Variants in RBPMS observed in about 807,000 individuals in gnomAD.
RBPMS encodes the protein RNA binding protein, mRNA processing factor, also known as RNA-binding protein with multiple splicing.
A neutral mutation model predicts 26.8 loss-of-function variants in RBPMS; 7 were observed. That is an observed-to-expected ratio of 0.26 (90% CI 0.15 to 0.49). RBPMS has a LOEUF of 0.49. Among genes scored for constraint, RBPMS ranks in the 20% least tolerant of loss-of-function variants. RBPMS has a pLI of 0.98. For missense variants in RBPMS, 186 were observed against 250.0 expected (o/e 0.74, Z 1.73); for synonymous variants, 96 against 93.3 (o/e 1.03, Z -0.17).
chr8:30,518,628 A>G (rs957232107), intron 5 of RBPMS, among the ~76,000 whole-genome samples: 4 of 133,132 alleles, frequency 3.0e-5, no homozygotes, highest in African/African-American at 8.5e-5. Flanking sequence ...GGGTTTCACC[A>G]TGTTGGCCAG....
In RBPMS at chr8:30,532,201, A is replaced by G. The variant is rs144916972; in HGVS notation, c.398-12293A>G. Among the ~76,000 whole-genome samples, 540 of 152,312 alleles carry G rather than the reference A, an allele frequency of 3.5e-3. 4 individuals are homozygous for G. Among genetic ancestry groups the G allele is most frequent in the African/African-American group, 0.012 (502 of 41,574 alleles). ...ATGTCTGAGGCACGAAGAATGAGGA[A>G]GAAACAGTTAAACATGAGAAGTGGC... On this transcript the variant is annotated intron_variant, in intron 5 of 8. Transcript: ENST00000397323.
intron 8 of RBPMS, among the ~76,000 whole-genome samples, chr8:30,570,205 T>TATC (rs1443027581): frequency 2.0e-5 from 3 of 152,220 alleles, no homozygotes; most frequent in Non-Finnish European, 4.4e-5. Flanking sequence ...TTAAATAGGT[T>TATC]ATCAATAATT....
intron 7 of RBPMS, chr8:30,562,212 T>G (rs1438009247): frequency 5.3e-6 from 1 of 188,334 alleles, no homozygotes; most frequent in Non-Finnish European, 9.7e-6. Flanking sequence ...GCGCCTGTAA[T>G]CCCAGCTACT....
chr8:30,434,464 G>A (rs1343867901), intron 1 of RBPMS, among the ~76,000 whole-genome samples: 1 of 152,082 alleles, frequency 6.6e-6, no homozygotes, highest in African/African-American at 2.4e-5. Context: ...AGCACTTTGG[G>A]AGGCTGAGGC....
chr8:30,530,587 C>G (rs1022858599), intron 5 of RBPMS, among the ~76,000 whole-genome samples: 2 of 152,100 alleles, frequency 1.3e-5, no homozygotes, highest in Admixed American at 6.5e-5. Context: ...CTCAGCCTCT[C>G]GAGTAGCTGG....
chr8:30,545,061 G>C, intron 6 of RBPMS: 2 of 1,388,736 alleles, frequency 1.4e-6, no homozygotes, highest in Non-Finnish European at 1.9e-6. Context: ...CTCGTGTACG[G>C]TGAGAAGAAT....
At chr8:30,543,485 C>T (rs1048913062) in intron 5 of RBPMS, among the ~76,000 whole-genome samples, 1 of 152,178 alleles carries the variant, frequency 6.6e-6, no homozygotes, top group African/African-American at 2.4e-5. Context: ...CTAATGACTT[C>T]TATCAAATCA....
At chr8:30,444,127 C>T (rs1453546046) in intron 1 of RBPMS, among the ~76,000 whole-genome samples, 1 of 149,650 alleles carries the variant, frequency 6.7e-6, no homozygotes, top group Non-Finnish European at 1.5e-5. Context: ...AACTCCTGGC[C>T]TCAAGTGATC....
chr8:30,456,843 C>T (rs1353367349), intron 1 of RBPMS, among the ~76,000 whole-genome samples: 2 of 152,228 alleles, frequency 1.3e-5, no homozygotes, highest in African/African-American at 4.8e-5. Flanking sequence ...TTGCTTGAAA[C>T]CCCGGAGGTG....
At chr8:30,536,370 G>C (rs529915173) in intron 5 of RBPMS, among the ~76,000 whole-genome samples, 2 of 152,004 alleles carry the variant, frequency 1.3e-5, no homozygotes, top group Non-Finnish European at 2.9e-5. Context: ...CAGGTGATCC[G>C]CCCGCCTCGG....
At chr8:30,501,965 C>T (rs539223860) in intron 4 of RBPMS, among the ~76,000 whole-genome samples, 1 of 152,126 alleles carries the variant, frequency 6.6e-6, no homozygotes, top group East Asian at 1.9e-4. Context: ...CATCCCTTAA[C>T]ATTTAAAATG....
intron 5 of RBPMS, among the ~76,000 whole-genome samples, chr8:30,521,396 C>G (rs564533923): frequency 6.6e-6 from 1 of 152,222 alleles, no homozygotes; most frequent in South Asian, 2.1e-4. Context: ...GACGTTTTCC[C>G]CAAAAGGACG....
intron 4 of RBPMS, among the ~76,000 whole-genome samples, chr8:30,488,165 T>C (rs914312559): frequency 1.3e-5 from 2 of 152,146 alleles, no homozygotes; most frequent in Non-Finnish European, 2.9e-5. Flanking sequence ...AATGAATAAA[T>C]ACACAGAGTA....
intron 1 of RBPMS, among the ~76,000 whole-genome samples, chr8:30,437,790 C>CAA (rs11290191): frequency 5.4e-4 from 57 of 106,214 alleles, no homozygotes; most frequent in African/African-American, 2.0e-3. Context: ...GACTCCATCT[C>CAA]AAAAAAAAAA....
intron 1 of RBPMS, among the ~76,000 whole-genome samples, chr8:30,454,484 T>A (rs951358301): frequency 6.6e-6 from 1 of 152,216 alleles, no homozygotes; most frequent in African/African-American, 2.4e-5. Flanking sequence ...ACTCCTTTTC[T>A]TAACATTAAA....
chr8:30,563,345 T>C lies in RBPMS; in HGVS notation c.*8-2912T>C, dbSNP rs79030644. Among the ~76,000 whole-genome samples, 1,233 of 152,234 alleles carry C rather than the reference T, an allele frequency of 8.1e-3. 15 individuals carry two copies. The highest frequency in any genetic ancestry group is 0.027 in the African/African-American group (1,140 of 41,536). ...CAGAATACAGAATCACGATTGAAAATTGTCAGTTTCCCAGATACACTGAGA... is the reference window on the plus strand; with the variant it reads ...CAGAATACAGAATCACGATTGAAAACTGTCAGTTTCCCAGATACACTGAGA... On this transcript the variant is annotated intron_variant, in intron 7 of 8. Coordinates refer to ENST00000397323, the MANE Select transcript of RBPMS (RefSeq NM_001008710.3).
chr8:30,384,974 A>C lies in RBPMS; in HGVS notation c.-119A>C. 1.6e-6 allele frequency: 1 copy of C among 638,092 alleles called. No individual in the cohort carries two copies. The highest frequency in any genetic ancestry group is 2.3e-6 in the Non-Finnish European group (1 of 426,488). The allele number at this position is 638,092 out of a possible 1,614,324, so 39.5% of individuals were successfully genotyped here. A position where few individuals can be genotyped will look rare whatever the true frequency, so the allele number is the denominator to read the frequency against. ...GCCCCGGCTCCAGCTCCAGCCCCAC[A>C]GCCCGCGGCGCCCGCCCGAGGGAGC... On this transcript the variant is annotated 5_prime_UTR_variant, in exon 1 of 9. Coordinates refer to ENST00000397323, the MANE Select transcript of RBPMS (RefSeq NM_001008710.3). The surrounding 1 kb of genome is among the most constrained non-coding windows in gnomAD (Gnocchi z 5.6).
At chr8:30,467,759 G>A (rs1816668205) in intron 1 of RBPMS, among the ~76,000 whole-genome samples, 1 of 152,238 alleles carries the variant, frequency 6.6e-6, no homozygotes, top group Admixed American at 6.5e-5. Context: ...AGGACAGGGA[G>A]GAAAATGAGA....
At position 30,519,344 on chromosome 8, in the gene RBPMS, CTCAGT is replaced by C. The variant is rs1822750718; in HGVS notation, c.397+14910_397+14914del. On this transcript the variant is annotated intron_variant, in intron 5 of 8. Coordinates refer to ENST00000397323, the MANE Select transcript of RBPMS (RefSeq NM_001008710.3). ...TTTTGATTGCTTCTTTCTCCTCCTC[CTCAGT>C]TGTCTTTTTACAATTGAATTGGTCA... 5.3e-5 allele frequency among the ~76,000 whole-genome samples: 8 copies of C among 152,146 alleles called. No individual in the cohort carries two copies. The South Asian group carries it at 1.4e-3, about 28-fold the overall frequency.
Sources: allele counts gnomAD v4.1 joint callset (sites outside exome capture counted in the v4.1 genomes callset), GRCh38; gene constraint gnomAD v4.1.1; non-coding constraint Gnocchi (gnomAD v3.1); transcripts MANE v1.5; gene names NCBI Gene and HGNC (gene_info 2026-07-23, HGNC 2026-07-21).